Variants in FAM53B observed in about 807,000 individuals in gnomAD.
FAM53B encodes protein FAM53B.
Under a neutral mutation model 32.7 loss-of-function variants are expected in FAM53B, and 12 were observed. The ratio of observed to expected loss-of-function variants is 0.37; its 90% confidence interval spans 0.24 to 0.59. The LOEUF (loss-of-function observed/expected upper bound fraction) is 0.59. Among genes scored for constraint, FAM53B ranks in the 20% least tolerant of loss-of-function variants. The pLI is 0.72. For missense variants in FAM53B, 477 were observed against 577.7 expected, an observed-to-expected ratio of 0.83 and a Z score of 1.79; for synonymous variants, 234 against 228.7, an observed-to-expected ratio of 1.02 and a Z score of -0.21.
At position 124,622,798 on chromosome 10, in the gene FAM53B, A is replaced by C. The variant is rs1368415144; in HGVS notation, c.*444T>G. 6.2e-6 allele frequency: 1 copy of C among 160,618 alleles called. No homozygotes were observed. Among genetic ancestry groups the C allele is most frequent in the Non-Finnish European group, 1.4e-5 (1 of 73,844 alleles). 9.9% of individuals were successfully genotyped at this position (160,618 alleles called of 1,614,324 possible). ...CTGCGGGGCCGACTCCCCAGAAGTG[A>C]ACCTGAGTGAGGCCAAGAAGGGCCC... On this transcript the variant is annotated 3_prime_UTR_variant, in exon 5 of 5. Coordinates refer to ENST00000337318, the MANE Select transcript of FAM53B (RefSeq NM_014661.4).
intron 1 of FAM53B, among the ~76,000 whole-genome samples, chr10:124,712,363 A>T (rs1029573403): frequency 6.6e-6 from 1 of 152,070 alleles, no homozygotes; most frequent in Non-Finnish European, 1.5e-5. Flanking sequence ...CTCAAAAAAT[A>T]ATTATTATTA....
intron 4 of FAM53B, among the ~76,000 whole-genome samples, chr10:124,650,687 C>A (rs1949550462): frequency 6.6e-6 from 1 of 152,118 alleles, no homozygotes; most frequent in Non-Finnish European, 1.5e-5. Context: ...CCACCTAATG[C>A]CTCCCAGAGT....
At chr10:124,672,185 G>A (rs1431393300) in intron 4 of FAM53B, among the ~76,000 whole-genome samples, 2 of 152,272 alleles carry the variant, frequency 1.3e-5, no homozygotes, top group African/African-American at 4.8e-5. Context: ...CAGCCTGCAT[G>A]GTGTCGGGAA....
intron 1 of FAM53B, among the ~76,000 whole-genome samples, chr10:124,726,125 G>A (rs1294718484): frequency 1.3e-5 from 2 of 152,188 alleles, no homozygotes; most frequent in African/African-American, 2.4e-5. Flanking sequence ...GGTTGAGTCC[G>A]GTGGTTCCTA....
chr10:124,623,244 A>AC lies in FAM53B; in HGVS notation c.1266_1267insG (p.Ter423ValfsTer35). 6.3e-7 allele frequency: 1 copy of AC among 1,592,334 alleles called. No homozygotes were observed. The highest frequency in any genetic ancestry group is 8.6e-7 in the Non-Finnish European group (1 of 1,168,164). On this transcript the variant is annotated frameshift_variant, in exon 5 of 5. Coordinates refer to ENST00000337318, the MANE Select transcript of FAM53B (RefSeq NM_014661.4). LOFTEE classifies it high-confidence loss of function. ...GCCCTGCCTGGGCCCACACCCCCTC[A>AC]GTTCTTCTCTATCTGCTCAATGTCC...
chr10:124,726,474 G>A (rs1015036740), intron 1 of FAM53B, among the ~76,000 whole-genome samples: 6 of 152,238 alleles, frequency 3.9e-5, no homozygotes. Context: ...CAGTAGGTGA[G>A]AAAGAGGCAG....
At chr10:124,664,287 G>C (rs1273802160) in intron 4 of FAM53B, among the ~76,000 whole-genome samples, 1 of 152,200 alleles carries the variant, frequency 6.6e-6, no homozygotes. Flanking sequence ...CCTGAAGGGA[G>C]GTTCAGAGCT....
At chr10:124,627,582 C>T (rs1168141757) in intron 4 of FAM53B, among the ~76,000 whole-genome samples, 1 of 152,146 alleles carries the variant, frequency 6.6e-6, no homozygotes, top group Non-Finnish European at 1.5e-5. Flanking sequence ...AGGTAAAAAG[C>T]TCAGTGGGAA....
intron 2 of FAM53B, 103 bp from the exon 3 acceptor site, chr10:124,696,315 C>T (rs1949869973): frequency 4.0e-6 from 4 of 995,022 alleles, no homozygotes; most frequent in Admixed American, 1.8e-5. Flanking sequence ...GGTGACTGTC[C>T]TTTGCCAATG....
intron 1 of FAM53B, among the ~76,000 whole-genome samples, chr10:124,715,054 C>A (rs937272717): frequency 2.0e-5 from 3 of 152,210 alleles, no homozygotes; most frequent in Non-Finnish European, 4.4e-5. Context: ...AACCCCTGGA[C>A]CCCACTACTC....
chr10:124,721,217 G>C (rs1407284083), intron 1 of FAM53B, among the ~76,000 whole-genome samples: 4 of 152,200 alleles, frequency 2.6e-5, no homozygotes, highest in African/African-American at 9.7e-5. Flanking sequence ...ATAAAGTTCA[G>C]AAATCTGCAT....
chr10:124,700,166 T>C (rs888405757), intron 2 of FAM53B, among the ~76,000 whole-genome samples: 8 of 152,200 alleles, frequency 5.3e-5, no homozygotes, highest in African/African-American at 1.9e-4. Context: ...CGCTGGCAGG[T>C]TTCCCTGGTC....
chr10:124,739,649 A>C (rs1411716059), intron 1 of FAM53B, among the ~76,000 whole-genome samples: 2 of 152,136 alleles, frequency 1.3e-5, no homozygotes, highest in African/African-American at 4.8e-5. Flanking sequence ...CAGATGCCCA[A>C]GAGGCAATGT....
chr10:124,716,068 G>A (rs1950036987), intron 1 of FAM53B, among the ~76,000 whole-genome samples: 1 of 152,258 alleles, frequency 6.6e-6, no homozygotes, highest in South Asian at 2.1e-4. Context: ...GCAAGTGAGA[G>A]TGGCTGGCTG....
At chr10:124,664,352 C>T (rs1337436107) in intron 4 of FAM53B, among the ~76,000 whole-genome samples, 1 of 152,232 alleles carries the variant, frequency 6.6e-6, no homozygotes, top group Non-Finnish European at 1.5e-5. Flanking sequence ...CAAAGCAGGC[C>T]TCCGGGGCCA....
chr10:124,640,790 T>G (rs1338873780), intron 4 of FAM53B, among the ~76,000 whole-genome samples: 2 of 151,876 alleles, frequency 1.3e-5, no homozygotes, highest in South Asian at 4.2e-4. Context: ...GAATCCGGGA[T>G]CAGGCGCTGA....
At chr10:124,734,065 C>A (rs1409060095) in intron 1 of FAM53B, among the ~76,000 whole-genome samples, 2 of 152,236 alleles carry the variant, frequency 1.3e-5, no homozygotes, top group African/African-American at 4.8e-5. Flanking sequence ...CTCCAGGAAG[C>A]CTTCCCTGCC....
intron 1 of FAM53B, among the ~76,000 whole-genome samples, chr10:124,722,351 A>G (rs77968497): frequency 0.057 from 8,644 of 152,210 alleles, 784 homozygotes; most frequent in African/African-American, 0.19. Context: ...TAAAAAAAAG[A>G]AGGCTTTGGG....
intron 4 of FAM53B, among the ~76,000 whole-genome samples, chr10:124,674,678 A>G (rs1354043552): frequency 6.6e-6 from 1 of 152,224 alleles, no homozygotes; most frequent in African/African-American, 2.4e-5. Context: ...TCAAAGGGGC[A>G]AGAGCCAGCT....
Sources: allele counts gnomAD v4.1 joint callset (sites outside exome capture counted in the v4.1 genomes callset), GRCh38; gene constraint gnomAD v4.1.1; transcripts MANE v1.5; gene names NCBI Gene and HGNC (gene_info 2026-07-23, HGNC 2026-07-21).